Variants in AACS observed in about 807,000 individuals in gnomAD.
The protein encoded by AACS is acetoacetyl-CoA synthetase.
Under a neutral mutation model 83.1 loss-of-function variants are expected in AACS, and 69 were observed. The observed-to-expected ratio is 0.83, with a 90% CI of 0.68 to 1.01. The LOEUF is 1.01. Ranked by LOEUF, AACS falls within the 50% of genes least tolerant of loss-of-function variation. AACS has a pLI of 0.00. For missense variants in AACS, 866 were observed against 882.2 expected, an observed-to-expected ratio of 0.98 and a Z score of 0.23; for synonymous variants, 333 against 343.4, an observed-to-expected ratio of 0.97 and a Z score of 0.33.
At chr12:125,141,467 A>C (rs752331542) in intron 17 of AACS, 1 of 152,350 alleles carries the variant, frequency 6.6e-6, no homozygotes, top group Non-Finnish European at 1.5e-5. Flanking sequence ...TGGGTGGATC[A>C]TGAGGTCAGG....
At chr12:125,075,924 G>GA (rs1217435201) in intron 2 of AACS, among the ~76,000 whole-genome samples, 13 of 152,170 alleles carry the variant, frequency 8.5e-5, no homozygotes, top group South Asian at 2.1e-4. Flanking sequence ...CTGCAGCTTA[G>GA]AAAAAACTTT....
intron 4 of AACS, 30 bp from the exon 5 acceptor site, chr12:125,091,396 C>T: frequency 6.2e-7 from 1 of 1,611,588 alleles, no homozygotes; most frequent in Non-Finnish European, 8.5e-7. Context: ...CACCCTGAAC[C>T]CAAGGCTTCT....
intron 8 of AACS, 35 bp downstream of exon 8, chr12:125,107,303 G>C (rs760753338): frequency 1.2e-6 from 2 of 1,604,584 alleles, no homozygotes; most frequent in East Asian, 4.5e-5. Context: ...AGGGCCTCCT[G>C]TTGTCTGTTT....
At chr12:125,107,488 C>A (rs1188007198) in intron 8 of AACS, among the ~76,000 whole-genome samples, 1 of 152,234 alleles carries the variant, frequency 6.6e-6, no homozygotes, top group Admixed American at 6.5e-5. Flanking sequence ...GCACCTAACA[C>A]CATGGCGATA....
In AACS at chr12:125,136,829, G is replaced by T; in HGVS notation, c.1846G>T (p.Val616Leu). Residue 616 changes from valine (V) to leucine (L), a missense_variant, in exon 17 of 18, where the codon GTG becomes TTG. Coordinates refer to ENST00000316519, the MANE Select transcript of AACS (RefSeq NM_023928.5). ...AIRMGLSARH[V>L]PSLILETKGI... ...CCGCATGGGCTTGTCTGCGCGACACGTGCCCAGCCTCATCCTGGAAACCAA... is the reference window on the plus strand; with the variant it reads ...CCGCATGGGCTTGTCTGCGCGACACTTGCCCAGCCTCATCCTGGAAACCAA... 2 of 1,613,780 alleles carry T rather than the reference G, an allele frequency of 1.2e-6. No homozygotes were observed. The highest frequency in any genetic ancestry group is 1.3e-5 in the African/African-American group (1 of 75,042).
At chr12:125,065,866 C>T in intron 1 of AACS, 149 bp downstream of exon 1, 2 of 1,242,706 alleles carry the variant, frequency 1.6e-6, no homozygotes, top group Admixed American at 3.6e-5. Context: ...GGGTTCCCCC[C>T]AGTCTTGGGG....
Position 125,128,161 on chromosome 12 carries a change from GA to G in AACS, c.1311del (p.Gly438AlafsTer146), listed in dbSNP as rs769094724. 2.5e-6 allele frequency: 4 copies of G among 1,606,386 alleles called. No homozygotes were observed. The highest frequency in any genetic ancestry group is 3.4e-6 in the Non-Finnish European group (4 of 1,174,878). The part of the protein sequence containing the change: ...KSSILLGSIS[G>X]GTDIISCFMG... ...AGTCTCCCTTTGCCATTGCTTGCAG[GA>G]GGCACCGACATCATCTCCTGCTTCA... On this transcript the variant is annotated frameshift_variant and splice_region_variant, in exon 13 of 18. Transcript: ENST00000316519. LOFTEE classifies it high-confidence loss of function.
At chr12:125,111,186 CA>C in intron 8 of AACS, among the ~76,000 whole-genome samples, 1 of 151,960 alleles carries the variant, frequency 6.6e-6, no homozygotes, top group South Asian at 2.1e-4. Flanking sequence ...GGTGTGTTCA[CA>C]GACTAAGGTG....
chr12:125,102,476 T>C lies in AACS; in HGVS notation c.571-203T>C, dbSNP rs564603292. The C allele has an allele frequency of 3.2e-4, 166 of 519,172 alleles. 1 individual carries two copies. Among genetic ancestry groups the C allele is most frequent in the Non-Finnish European group, 4.0e-4 (113 of 285,716 alleles). The allele number at this position is 519,172 out of a possible 1,614,324, so 32.2% of individuals were successfully genotyped here. On this transcript the variant is annotated intron_variant, in intron 5 of 17. Transcript: ENST00000316519. ...TGGCTACTGAAGGTTTTTGCCATTT[T>C]TTTTTTTAGAGACAGGGTCTCACTC...
Position 125,128,334 on chromosome 12 carries a change from G to A in AACS, c.1423+60G>A, listed in dbSNP as rs1032542922. ...AGGCGTGAGTTGGGAGTGTGGGAGC[G>A]TTCGGATGTGTAACTTTGCTTGGAC... On this transcript the variant is annotated intron_variant, in intron 13 of 17. Coordinates refer to ENST00000316519, the MANE Select transcript of AACS (RefSeq NM_023928.5). 4.3e-5 allele frequency: 62 copies of A among 1,444,028 alleles called. 1 individual carries two copies. Among genetic ancestry groups the A allele is most frequent in the Middle Eastern group, 2.3e-4 (1 of 4,396 alleles). 89.5% of individuals were successfully genotyped at this position (1,444,028 alleles called of 1,614,324 possible). A position where few individuals can be genotyped will look rare whatever the true frequency, so the allele number is the denominator to read the frequency against.
chr12:125,118,415 C>T (rs1395352035), intron 9 of AACS: 2 of 560,096 alleles, frequency 3.6e-6, no homozygotes, highest in African/African-American at 3.8e-5. Context: ...AAGGGTGCAA[C>T]AGACATTCTG....
chr12:125,089,849 C>A (rs931504676), intron 4 of AACS, among the ~76,000 whole-genome samples: 1 of 149,806 alleles, frequency 6.7e-6, no homozygotes, highest in Non-Finnish European at 1.5e-5. Flanking sequence ...CATCATTTAT[C>A]CATCCATCCA....
chr12:125,134,283 C>G (rs1228508134), intron 15 of AACS, among the ~76,000 whole-genome samples: 2 of 152,254 alleles, frequency 1.3e-5, no homozygotes, highest in African/African-American at 4.8e-5. Context: ...TTCCCCACCC[C>G]TGTGCCTGTG....
intron 1 of AACS, among the ~76,000 whole-genome samples, chr12:125,067,668 G>C (rs1302193141): frequency 1.3e-5 from 2 of 152,060 alleles, no homozygotes; most frequent in Middle Eastern, 3.2e-3. Flanking sequence ...CGAGTAGCTG[G>C]GATTACAGGT....
chr12:125,085,463 A>ATGTGTGTTT (rs1956315432), intron 3 of AACS, among the ~76,000 whole-genome samples: 2 of 152,168 alleles, frequency 1.3e-5, no homozygotes, highest in South Asian at 2.1e-4. Flanking sequence ...CGTTGCATCC[A>ATGTGTGTTT]CGTGTGTTTC....
chr12:125,087,730 A>T (rs761221638), intron 4 of AACS, among the ~76,000 whole-genome samples: 2 of 152,190 alleles, frequency 1.3e-5, no homozygotes, highest in Non-Finnish European at 2.9e-5. Context: ...CGGCCTTGTC[A>T]TCTATAAGTG....
chr12:125,076,260 A>T (rs944244872), intron 2 of AACS, among the ~76,000 whole-genome samples: 2 of 152,214 alleles, frequency 1.3e-5, no homozygotes, highest in Non-Finnish European at 2.9e-5. Flanking sequence ...CACATATGTT[A>T]CTGGGGATGG....
Position 125,128,229 on chromosome 12 carries a change from C to A in AACS, c.1378C>A (p.Gln460Lys). The change falls in exon 13 of 18, where the codon CAG becomes AAG. Residue 460 changes from glutamine (Q) to lysine (K), a missense_variant. Transcript: ENST00000316519. ...TCTTCCTGTGTATAAAGGGGAGATT[C>A]AGGCCCGGAACCTGGGCATGGCCGT... ...FSLPVYKGEIQARNLGMAVEA... is the reference protein window; with the variant it reads ...FSLPVYKGEIKARNLGMAVEA... 6.2e-7 allele frequency: 1 copy of A among 1,613,294 alleles called. No individual in the cohort carries two copies. The highest frequency in any genetic ancestry group is 1.1e-5 in the South Asian group (1 of 90,924).
intron 8 of AACS, among the ~76,000 whole-genome samples, chr12:125,108,825 G>C (rs1956889313): frequency 6.7e-6 from 1 of 148,812 alleles, no homozygotes; most frequent in Admixed American, 6.7e-5. Flanking sequence ...GTGCCGCTAT[G>C]CCCTACTCGT....
Sources: allele counts gnomAD v4.1 joint callset (sites outside exome capture counted in the v4.1 genomes callset), GRCh38; gene constraint gnomAD v4.1.1; transcripts MANE v1.5; gene names NCBI Gene and HGNC (gene_info 2026-07-23, HGNC 2026-07-21).